The following PTPRN2 variants were observed in gnomAD, a reference collection of about 807,000 sequenced individuals.
PTPRN2 encodes the protein receptor-type tyrosine-protein phosphatase N2.
PTPRN2 carries 74 observed loss-of-function variants against 118.8 expected under a neutral mutation model. The ratio of observed to expected loss-of-function variants is 0.62; its 90% confidence interval spans 0.52 to 0.76. The LOEUF is 0.76. PTPRN2 is among the 30% of genes least tolerant of loss of function. The pLI is 0.00. For synonymous variants in PTPRN2, 641 were observed against 608.0 expected (o/e 1.05, Z -0.80); for missense variants, 1,481 against 1,394.4 (o/e 1.06, Z -0.99).
intron 12 of PTPRN2, among the ~76,000 whole-genome samples, chr7:157,841,848 G>A (rs552606825): frequency 2.3e-4 from 35 of 152,228 alleles, no homozygotes; most frequent in Admixed American, 5.2e-4. Context: ...TGGATTCTGC[G>A]CTTTCCTTCC....
At chr7:157,996,534 G>T (rs2128853443) in intron 11 of PTPRN2, among the ~76,000 whole-genome samples, 1 of 152,330 alleles carries the variant, frequency 6.6e-6, no homozygotes, top group Non-Finnish European at 1.5e-5. Context: ...TTCCTTCCAA[G>T]GCGGGCAGCT....
At chr7:158,357,242 C>T (rs1341172653) in intron 2 of PTPRN2, among the ~76,000 whole-genome samples, 1 of 152,242 alleles carries the variant, frequency 6.6e-6, no homozygotes, top group Non-Finnish European at 1.5e-5. Context: ...AAACGACGCC[C>T]GGCAGTGGGT....
chr7:157,867,583 C>T (rs1211696707), intron 12 of PTPRN2, among the ~76,000 whole-genome samples: 10 of 151,116 alleles, frequency 6.6e-5, no homozygotes, highest in Non-Finnish European at 1.2e-4. Flanking sequence ...CCTGGATACA[C>T]GGCCACCACC....
intron 14 of PTPRN2, among the ~76,000 whole-genome samples, chr7:157,634,154 TC>T (rs1804148522): frequency 6.6e-6 from 1 of 152,158 alleles, no homozygotes; most frequent in African/African-American, 2.4e-5. Flanking sequence ...TGTCTTCAGC[TC>T]TTTAGCTTGC....
intron 2 of PTPRN2, among the ~76,000 whole-genome samples, chr7:158,453,710 A>G (rs1040410528): frequency 6.6e-6 from 1 of 151,966 alleles, no homozygotes; most frequent in African/African-American, 2.4e-5. Flanking sequence ...CTGTCACACA[A>G]ATTAACTGAG....
At chr7:158,148,964 T>A (rs867366001) in intron 6 of PTPRN2, among the ~76,000 whole-genome samples, 2 of 39,302 alleles carry the variant, frequency 5.1e-5, no homozygotes, top group East Asian at 7.1e-4. Context: ...GTCTTTCCCC[T>A]TCAATGACAC....
In PTPRN2 at chr7:157,780,362, T is replaced by A. The variant is rs896682502; in HGVS notation, c.1789-97425A>T. Among the ~76,000 whole-genome samples, 14 of 152,076 alleles carry A rather than the reference T, an allele frequency of 9.2e-5. No homozygotes were observed. The highest frequency in any genetic ancestry group is 1.3e-4 in the Non-Finnish European group (9 of 67,974). ...TAGGTGACGTCGAAGCATCCAGCCA[T>A]ATCTGTCAGTTTATATAAGGGGTGG... On this transcript the variant is annotated intron_variant, in intron 12 of 22. Transcript: ENST00000389418. The surrounding 1 kb of genome is among the most constrained non-coding windows in gnomAD (Gnocchi z 4.5).
chr7:157,774,207 G>T (rs1803053742), intron 12 of PTPRN2, among the ~76,000 whole-genome samples: 1 of 152,172 alleles, frequency 6.6e-6, no homozygotes, highest in Admixed American at 6.5e-5. Flanking sequence ...TCTATTTTTT[G>T]AAAATCATAG....
At chr7:157,751,521 C>T (rs976469771) in intron 12 of PTPRN2, among the ~76,000 whole-genome samples, 4 of 152,158 alleles carry the variant, frequency 2.6e-5, no homozygotes, top group African/African-American at 9.7e-5. Context: ...ACGGAGTGCG[C>T]TCGCTCGGGA....
At chr7:158,530,649 G>A (rs1436056871) in intron 1 of PTPRN2, among the ~76,000 whole-genome samples, 1 of 152,238 alleles carries the variant, frequency 6.6e-6, no homozygotes, top group Non-Finnish European at 1.5e-5. Context: ...GCATATATGT[G>A]TGCCCATGTG....
At chr7:157,736,130 T>C (rs1800283400) in intron 12 of PTPRN2, among the ~76,000 whole-genome samples, 1 of 152,176 alleles carries the variant, frequency 6.6e-6, no homozygotes, top group Non-Finnish European at 1.5e-5. Flanking sequence ...CAAGCATCTC[T>C]GGCTGGGGAT....
intron 2 of PTPRN2, among the ~76,000 whole-genome samples, chr7:158,436,936 G>A (rs900667063): frequency 4.6e-5 from 7 of 152,092 alleles, no homozygotes; most frequent in African/African-American, 1.7e-4. Flanking sequence ...ATATTCAACT[G>A]TTGTTTACCT....
At chr7:158,284,086 T>A (rs1030160197) in intron 3 of PTPRN2, among the ~76,000 whole-genome samples, 106 of 152,372 alleles carry the variant, frequency 7.0e-4, no homozygotes, top group Admixed American at 6.5e-3. Flanking sequence ...CATGGACTGA[T>A]GCTCTTCAAT....
At chr7:158,522,047 G>A (rs13309205) in intron 1 of PTPRN2, among the ~76,000 whole-genome samples, 536 of 11,402 alleles carry the variant, frequency 0.047, 69 homozygotes, top group Middle Eastern at 0.083. Flanking sequence ...GTGGCTCAGG[G>A]GGGAGGTCCA....
At chr7:158,407,891 A>G (rs924504520) in intron 2 of PTPRN2, among the ~76,000 whole-genome samples, 3 of 152,232 alleles carry the variant, frequency 2.0e-5, no homozygotes, top group Non-Finnish European at 2.9e-5. Flanking sequence ...AAAAGCAAAA[A>G]GGCATCTCCC....
At position 158,387,376 on chromosome 7, in the gene PTPRN2, C is replaced by G. The variant is rs147621520; in HGVS notation, c.164-70444G>C. 2.5e-3 allele frequency among the ~76,000 whole-genome samples: 387 copies of G among 152,354 alleles called. 2 individuals are homozygous for G. The highest frequency in any genetic ancestry group is 8.6e-3 in the African/African-American group (357 of 41,592). ...GAGGGCTGAGGTGGGGCCAGGACCA[C>G]GCTCACTGCCTTCGCTGGGGTCTCC... is the stretch of plus-strand genomic sequence containing the variant. On this transcript the variant is annotated intron_variant, in intron 2 of 22. Coordinates refer to ENST00000389418, the MANE Select transcript of PTPRN2 (RefSeq NM_002847.5).
intron 3 of PTPRN2, among the ~76,000 whole-genome samples, chr7:158,293,727 C>T (rs1800269689): frequency 6.8e-6 from 1 of 147,318 alleles, no homozygotes; most frequent in Admixed American, 6.9e-5. Flanking sequence ...CCTATTTACA[C>T]TTTTCTTCCA....
rs138214092 is a variant in PTPRN2 at position 157,718,746 on chromosome 7, T to A, written c.1789-35809A>T. On this transcript the variant is annotated intron_variant, in intron 12 of 22. Transcript: ENST00000389418. ...GCGTCCGCGGTGACACTGCAGCCAC[T>A]CTCCATGGCCCCGGGGTGAGTCTCA... Among the ~76,000 whole-genome samples the A allele has an allele frequency of 4.8e-3, 714 of 150,062 alleles. 6 individuals carry two copies. Among genetic ancestry groups the A allele is most frequent in the African/African-American group, 0.017 (673 of 40,522 alleles).
intron 11 of PTPRN2, among the ~76,000 whole-genome samples, chr7:157,998,133 GAGGAATGCAGGGCCCGGGAAA>G (rs1804924646): frequency 6.6e-6 from 1 of 151,290 alleles, no homozygotes; most frequent in Non-Finnish European, 1.5e-5. Context: ...GGCTGGGGGA[GAGGAATGCAGGGCCCGGGAAA>G]AGGACTGCAG....
Sources: allele counts gnomAD v4.1 joint callset (sites outside exome capture counted in the v4.1 genomes callset), GRCh38; gene constraint gnomAD v4.1.1; non-coding constraint Gnocchi (gnomAD v3.1); transcripts MANE v1.5; gene names NCBI Gene and HGNC (gene_info 2026-07-23, HGNC 2026-07-21).